ZCCHC4: variants seen among roughly 807,000 people sequenced by gnomAD.
The protein encoded by ZCCHC4 is rRNA N(6)-adenosine-methyltransferase ZCCHC4.
ZCCHC4 carries 54 observed loss-of-function variants against 67.7 expected under a neutral mutation model. The ratio of observed to expected loss-of-function variants is 0.80; its 90% CI spans 0.64 to 1.00. The LOEUF (loss-of-function observed/expected upper bound fraction) is 1.00. Among genes scored for constraint, ZCCHC4 ranks in the 50% least tolerant of loss-of-function variants. The pLI is 0.00. For missense variants in ZCCHC4, 609 were observed against 617.0 expected (o/e 0.99, Z 0.14); for synonymous variants, 198 against 213.5 (o/e 0.93, Z 0.63).
intron 7 of ZCCHC4, 74 bp from the exon 8 acceptor site, chr4:25,351,515 C>T (rs534210189): frequency 2.7e-5 from 25 of 927,972 alleles, no homozygotes; most frequent in Admixed American, 1.7e-4. Context: ...CTTATGCTAG[C>T]GGAAGTTTTT....
rs34786437 is a variant in ZCCHC4, at chr4:25,363,893, C to A, written c.1210-561C>A. ...GAGGGATGCTGTGACTTAGTAGGAG[C>A]ATGGGGCAGTTTCCAGAGGGCTGGT... On this transcript the variant is annotated intron_variant, in intron 10 of 12. Coordinates refer to ENST00000302874, the MANE Select transcript of ZCCHC4 (RefSeq NM_024936.3). Among the ~76,000 whole-genome samples, 100 of 152,268 alleles carry A rather than the reference C, an allele frequency of 6.6e-4. 1 individual carries two copies. Among genetic ancestry groups the A allele is most frequent in the Non-Finnish European group, 1.3e-3 (87 of 68,014 alleles).
At chr4:25,366,239 A>G in intron 12 of ZCCHC4, 3 of 917,562 alleles carry the variant, frequency 3.3e-6, no homozygotes, top group Non-Finnish European at 3.9e-6. Flanking sequence ...CTCTACTTTA[A>G]ATAATTATTT....
rs1451993280 is a variant in ZCCHC4 at position 25,359,267 on chromosome 4, G to A, written c.1012-2592G>A. Among the ~76,000 whole-genome samples, 3 of 152,176 alleles carry A rather than the reference G, an allele frequency of 2.0e-5. No individual in the cohort carries two copies. The highest frequency in any genetic ancestry group is 2.9e-5 in the Non-Finnish European group (2 of 68,026). On this transcript the variant is annotated intron_variant, in intron 8 of 12. Coordinates refer to ENST00000302874, the MANE Select transcript of ZCCHC4 (RefSeq NM_024936.3). This position sits in a 1 kb window ranked among gnomAD's most constrained non-coding sequence, Gnocchi z 4.9. ...GGATGGGCATTTTTGACTGTGCTAC[G>A]AGAAGTACACACCCAGTCCCTGAGG...
chr4:25,341,234 G>A (rs148978368), intron 5 of ZCCHC4, among the ~76,000 whole-genome samples: 1 of 152,182 alleles, frequency 6.6e-6, no homozygotes, highest in East Asian at 1.9e-4. Flanking sequence ...GCTATTAGTA[G>A]TTAAGTTTTT....
At position 25,358,748 on chromosome 4, in the gene ZCCHC4, G is replaced by C. The variant is rs566716023; in HGVS notation, c.1012-3111G>C. ...CTGCACGTTATGTAACCACACCGCAGGTGCATTAGGTGATCACTCGTGAGC... is the reference window on the plus strand; with the variant it reads ...CTGCACGTTATGTAACCACACCGCACGTGCATTAGGTGATCACTCGTGAGC... On this transcript the variant is annotated intron_variant, in intron 8 of 12. Transcript: ENST00000302874. Among the ~76,000 whole-genome samples, 407 of 152,330 alleles carry C rather than the reference G, an allele frequency of 2.7e-3. 2 individuals carry two copies. Among genetic ancestry groups the C allele is most frequent in the Non-Finnish European group, 4.7e-3 (321 of 68,034 alleles).
intron 3 of ZCCHC4, among the ~76,000 whole-genome samples, chr4:25,318,981 T>C (rs903340957): frequency 2.6e-5 from 4 of 152,206 alleles, no homozygotes; most frequent in Non-Finnish European, 5.9e-5. Flanking sequence ...TAGGTATTTA[T>C]TGAAGGCTCA....
intron 5 of ZCCHC4, among the ~76,000 whole-genome samples, chr4:25,339,573 A>G (rs1017061807): frequency 2.6e-5 from 4 of 152,226 alleles, no homozygotes; most frequent in African/African-American, 7.2e-5. Flanking sequence ...TTGGAGAAAT[A>G]TCAATCCTTT....
At chr4:25,357,213 A>G (rs774281856) in intron 8 of ZCCHC4, among the ~76,000 whole-genome samples, 1 of 152,236 alleles carries the variant, frequency 6.6e-6, no homozygotes, top group African/African-American at 2.4e-5. Flanking sequence ...AGATCCTCCC[A>G]GTCATCTCTT....
At chr4:25,334,131 G>A (rs757937774) in intron 5 of ZCCHC4, 143 bp downstream of exon 5, 6 of 491,408 alleles carry the variant, frequency 1.2e-5, no homozygotes, top group African/African-American at 4.0e-5. Context: ...CTTTTTAGTC[G>A]AATAAATTCA....
chr4:25,329,394 C>T lies in ZCCHC4; in HGVS notation c.330-3789C>T, dbSNP rs115614819. On this transcript the variant is annotated intron_variant, in intron 3 of 12. Transcript: ENST00000302874. Reference sequence around the variant, plus strand: ...GGCCCCTCAGTTTTTCATTTTGTATCATTCTGAGACCGTACCTTCAAGTTC... The same window carrying T: ...GGCCCCTCAGTTTTTCATTTTGTATTATTCTGAGACCGTACCTTCAAGTTC... Among the ~76,000 whole-genome samples, 1,053 of 151,658 alleles carry T rather than the reference C, an allele frequency of 6.9e-3. 9 individuals are homozygous for T. Among genetic ancestry groups the T allele is most frequent in the Admixed American group, 0.012 (186 of 15,226 alleles).
Position 25,315,314 on chromosome 4 carries a change from T to G in ZCCHC4, c.247-4T>G. On this transcript the variant is annotated splice_region_variant and splice_polypyrimidine_tract_variant and intron_variant, in intron 2 of 12. Coordinates refer to ENST00000302874, the MANE Select transcript of ZCCHC4 (RefSeq NM_024936.3). Reference sequence around the variant, plus strand: ...TATTCAATGGGTTTTGTACTCTCTTTCAGTTGTCAGGAGCTAGACTTGCTG... The same window carrying G: ...TATTCAATGGGTTTTGTACTCTCTTGCAGTTGTCAGGAGCTAGACTTGCTG... 2 of 1,610,880 alleles carry G rather than the reference T, an allele frequency of 1.2e-6. No individual in the cohort carries two copies. Among genetic ancestry groups the G allele is most frequent in the Non-Finnish European group, 1.7e-6 (2 of 1,178,470 alleles).
At chr4:25,353,925 G>A (rs1273700579) in intron 8 of ZCCHC4, among the ~76,000 whole-genome samples, 15 of 152,082 alleles carry the variant, frequency 9.9e-5, no homozygotes, top group Admixed American at 9.8e-4. Context: ...CTCTCCCTCA[G>A]GTCCTTTTTT....
intron 5 of ZCCHC4, among the ~76,000 whole-genome samples, chr4:25,343,690 C>A (rs756868497): frequency 6.6e-6 from 1 of 152,156 alleles, no homozygotes; most frequent in African/African-American, 2.4e-5. Context: ...GAAACCAGAC[C>A]GTCTGACTAT....
intron 8 of ZCCHC4, among the ~76,000 whole-genome samples, chr4:25,356,773 T>C (rs996239960): frequency 1.3e-5 from 2 of 152,088 alleles, no homozygotes; most frequent in African/African-American, 4.8e-5. Flanking sequence ...AGGAGTGCAT[T>C]AGGGGAAACA....
At chr4:25,360,010 G>A (rs570716164) in intron 8 of ZCCHC4, among the ~76,000 whole-genome samples, 2 of 152,304 alleles carry the variant, frequency 1.3e-5, no homozygotes, top group South Asian at 2.1e-4. Context: ...CGTCTATCAC[G>A]GACTTGATGG....
Position 25,369,374 on chromosome 4 carries a change from G to C in ZCCHC4, c.*210G>C, listed in dbSNP as rs1440059396. The C allele has an allele frequency of 3.6e-6, 2 of 554,246 alleles. No homozygotes were observed. Among genetic ancestry groups the C allele is most frequent in the Non-Finnish European group, 3.1e-6 (1 of 323,450 alleles). 34.3% of individuals were successfully genotyped at this position (554,246 alleles called of 1,614,324 possible). A position where few individuals can be genotyped will look rare whatever the true frequency, so the allele number is the denominator to read the frequency against. On this transcript the variant is annotated 3_prime_UTR_variant, in exon 13 of 13. Coordinates refer to ENST00000302874, the MANE Select transcript of ZCCHC4 (RefSeq NM_024936.3). ...TGTTCCATCTTCAGCCAGTTTACTA[G>C]TTCTTTCAGCATTCATTTTTCCTCA...
chr4:25,312,982 GT>G, intron 1 of ZCCHC4, 46 bp downstream of exon 1: 1 of 1,602,920 alleles, frequency 6.2e-7, no homozygotes, highest in Non-Finnish European at 8.5e-7. Flanking sequence ...CGCTGAGGGT[GT>G]GAGTTGGCTT....
In ZCCHC4 at chr4:25,312,903, G is replaced by C; in HGVS notation, c.94G>C (p.Asp32His). 1 of 1,612,894 alleles carries C rather than the reference G, an allele frequency of 6.2e-7. No individual in the cohort carries two copies. Among genetic ancestry groups the C allele is most frequent in the Admixed American group, 1.7e-5 (1 of 60,018 alleles). ...SSGMEVVLPL[D>H]PAVPAPLCPH... is the part of the protein sequence containing the mutation. ...GGGAATGGAGGTGGTGCTTCCTTTG[G>C]ATCCTGCCGTCCCCGCCCCGCTGTG... is the stretch of plus-strand genomic sequence containing the variant. Residue 32 changes from aspartate to histidine, a missense_variant, in exon 1 of 13, where the codon GAT (aspartate) becomes CAT (histidine). Asp to His is a moderately conservative substitution (Grantham distance 81, BLOSUM62 -1). Coordinates refer to ENST00000302874, the MANE Select transcript of ZCCHC4 (RefSeq NM_024936.3).
intron 3 of ZCCHC4, among the ~76,000 whole-genome samples, chr4:25,332,085 A>C (rs1719211651): frequency 6.6e-6 from 1 of 152,188 alleles, no homozygotes; most frequent in Non-Finnish European, 1.5e-5. Context: ...AGGCGGGCGG[A>C]TCACCTGAGG....
Sources: gnomAD v4.1 joint callset for allele counts (sites outside exome capture counted in the v4.1 genomes callset) on GRCh38, gnomAD v4.1.1 for gene constraint, Gnocchi (gnomAD v3.1) non-coding constraint, MANE v1.5 for transcripts, NCBI Gene and HGNC (gene_info 2026-07-23, HGNC 2026-07-21) for gene names.